The following SLC25A48 variants were observed in gnomAD, a reference collection of about 807,000 sequenced individuals.
The protein encoded by SLC25A48 is CTC-321K16.1.
A neutral mutation model predicts 32.2 loss-of-function variants in SLC25A48; 29 were observed. That is an observed-to-expected ratio of 0.90 (90% CI 0.67 to 1.23). The LOEUF is 1.23. SLC25A48 is among the 50% of genes most tolerant of loss of function. The probability of loss-of-function intolerance (pLI) is 0.00; values close to 1 mark genes in which losing one functional copy is unlikely to be tolerated. For synonymous variants in SLC25A48, 164 were observed against 172.3 expected, an observed-to-expected ratio of 0.95 and a Z score of 0.38; for missense variants, 399 against 422.7, an observed-to-expected ratio of 0.94 and a Z score of 0.49.
chr5:135,730,637 A>C (rs940504113), intron 3 of SLC25A48, among the ~76,000 whole-genome samples: 5 of 152,236 alleles, frequency 3.3e-5, no homozygotes, highest in Admixed American at 3.3e-4. Context: ...GCAACTTTGG[A>C]ACTGGGTAAC....
At chr5:135,737,863 A>C (rs1755412312) in intron 3 of SLC25A48, among the ~76,000 whole-genome samples, 1 of 152,168 alleles carries the variant, frequency 6.6e-6, no homozygotes, top group African/African-American at 2.4e-5. Flanking sequence ...ATCAGCACCC[A>C]GTGGTGTCTC....
chr5:135,784,272 C>T (rs1368127831), intron 3 of SLC25A48, among the ~76,000 whole-genome samples: 1 of 117,340 alleles, frequency 8.5e-6, no homozygotes, highest in African/African-American at 2.6e-5. Flanking sequence ...GTGTACACCC[C>T]ACCTGTGATA....
chr5:135,758,877 TATG>T (rs1309369237), intron 3 of SLC25A48, among the ~76,000 whole-genome samples: 22 of 150,674 alleles, frequency 1.5e-4, no homozygotes, highest in East Asian at 2.0e-4. Context: ...ATTAACACAT[TATG>T]ATATTAATAG....
intron 3 of SLC25A48, among the ~76,000 whole-genome samples, chr5:135,779,096 A>G (rs375492448): frequency 1.1e-4 from 16 of 151,798 alleles, no homozygotes; most frequent in African/African-American, 3.4e-4. Context: ...CTAATATTTA[A>G]GGAGAAAGAG....
chr5:135,657,748 T>C (rs1753288083), intron 3 of SLC25A48, among the ~76,000 whole-genome samples: 1 of 152,232 alleles, frequency 6.6e-6, no homozygotes, highest in African/African-American at 2.4e-5. Context: ...GCATTTGCCA[T>C]GAGCAGGTTG....
rs1038854458 is a variant in SLC25A48, at chr5:135,645,045, G to A, written c.-521+10089G>A. 1.3e-5 allele frequency among the ~76,000 whole-genome samples: 2 copies of A among 152,116 alleles called. 1 individual carries two copies. Among genetic ancestry groups the A allele is most frequent in the Admixed American group, 1.3e-4 (2 of 15,274 alleles). On this transcript the variant is annotated intron_variant, in intron 3 of 10. Transcript: ENST00000646290. ...TGTCCCCATTCTAAAACAGCCAAAG[G>A]CTCCACAAGGCTTCCTCTGCACTGC... is the stretch of plus-strand genomic sequence containing the variant.
At position 135,633,188 on chromosome 5, in the gene SLC25A48, G is replaced by A. The variant is rs542606367; in HGVS notation, c.-708-1581G>A. Among the ~76,000 whole-genome samples, 240 of 152,184 alleles carry A rather than the reference G, an allele frequency of 1.6e-3. 1 individual carries two copies. The highest frequency in any genetic ancestry group is 3.4e-3 in the Middle Eastern group (1 of 294). On this transcript the variant is annotated intron_variant, in intron 2 of 10. Transcript: ENST00000646290. Reference sequence around the variant, plus strand: ...TTTCTTGAAAGAAAGTGGGCTGTACGGTTTATTCACAGACACAATGCCCAT... The same window carrying A: ...TTTCTTGAAAGAAAGTGGGCTGTACAGTTTATTCACAGACACAATGCCCAT...
intron 3 of SLC25A48, among the ~76,000 whole-genome samples, chr5:135,696,443 GAC>G (rs757423521): frequency 5.3e-5 from 8 of 152,216 alleles, no homozygotes; most frequent in Non-Finnish European, 7.3e-5. Flanking sequence ...GGAAGAGAGA[GAC>G]AGTCCTGGCA....
intron 3 of SLC25A48, among the ~76,000 whole-genome samples, chr5:135,764,674 G>A (rs910988524): frequency 6.7e-6 from 1 of 149,076 alleles, no homozygotes; most frequent in African/African-American, 2.5e-5. Flanking sequence ...CGCAGAGGGT[G>A]TACACCACCC....
At chr5:135,699,341 A>G (rs898357006) in intron 3 of SLC25A48, among the ~76,000 whole-genome samples, 1 of 151,920 alleles carries the variant, frequency 6.6e-6, no homozygotes, top group Non-Finnish European at 1.5e-5. Context: ...TGCATCAAGG[A>G]GAAAGAACAA....
chr5:135,848,984 G>T (rs1759622317), intron 2 of SLC25A48, among the ~76,000 whole-genome samples: 1 of 152,046 alleles, frequency 6.6e-6, no homozygotes. Context: ...ACATTAATTT[G>T]TTGTTGTTGT....
intron 3 of SLC25A48, chr5:135,649,149 A>T (rs1178285265): frequency 6.6e-6 from 1 of 152,268 alleles, no homozygotes; most frequent in Non-Finnish European, 1.5e-5. Flanking sequence ...CAATAGCGGG[A>T]ACCCTGTCCT....
rs530452459 is a variant in SLC25A48 at position 135,742,068 on chromosome 5, T to A, written c.-520-70455T>A. On this transcript the variant is annotated intron_variant, in intron 3 of 10. Transcript: ENST00000646290. Reference sequence around the variant, plus strand: ...ACTTAGTCTAAGGAATCAGTTTTTTTAATTATTTTTGTTTATTTATTTATT... The same window carrying A: ...ACTTAGTCTAAGGAATCAGTTTTTTAAATTATTTTTGTTTATTTATTTATT... Among the ~76,000 whole-genome samples, 594 of 152,254 alleles carry A rather than the reference T, an allele frequency of 3.9e-3. 6 individuals carry two copies. The highest frequency in any genetic ancestry group is 6.3e-3 in the Non-Finnish European group (426 of 68,010).
Position 135,677,038 on chromosome 5 carries a change from T to G in SLC25A48, c.-521+42082T>G, listed in dbSNP as rs543790129. 3.3e-5 allele frequency among the ~76,000 whole-genome samples: 5 copies of G among 152,182 alleles called. 1 individual carries two copies. Among genetic ancestry groups the G allele is most frequent in the African/African-American group, 1.2e-4 (5 of 41,568 alleles). On this transcript the variant is annotated intron_variant, in intron 3 of 10. Coordinates refer to the SLC25A48 transcript ENST00000646290. ...CTTTCTGTCTAGCTCATCTGTCTAA[T>G]GCTAATAGTAGAGGGCTGAACTCCT... is the stretch of plus-strand genomic sequence containing the variant.
chr5:135,702,779 A>T (rs967575913), intron 3 of SLC25A48, among the ~76,000 whole-genome samples: 1 of 152,146 alleles, frequency 6.6e-6, no homozygotes. Flanking sequence ...TTCCCAAACA[A>T]ATTTGACCTT....
At chr5:135,747,537 C>T (rs72789486) in intron 3 of SLC25A48, among the ~76,000 whole-genome samples, 11 of 152,268 alleles carry the variant, frequency 7.2e-5, no homozygotes, top group Non-Finnish European at 1.5e-4. Flanking sequence ...CTCACTGCTG[C>T]AGTCATTTCT....
At chr5:135,657,226 G>A (rs1753272615) in intron 3 of SLC25A48, among the ~76,000 whole-genome samples, 1 of 152,156 alleles carries the variant, frequency 6.6e-6, no homozygotes, top group Non-Finnish European at 1.5e-5. Context: ...ATACATAGCA[G>A]GAGACCAGGG....
At chr5:135,652,937 C>T (rs1480557683) in intron 3 of SLC25A48, among the ~76,000 whole-genome samples, 1 of 152,134 alleles carries the variant, frequency 6.6e-6, no homozygotes, top group African/African-American at 2.4e-5. Flanking sequence ...GGGCCTAATG[C>T]AAGGTGTTTA....
At chr5:135,771,095 T>G (rs1178541676) in intron 3 of SLC25A48, among the ~76,000 whole-genome samples, 1 of 151,018 alleles carries the variant, frequency 6.6e-6, no homozygotes, top group East Asian at 2.0e-4. Context: ...TTCAATATCG[T>G]GGGGGTGTAC....
Sources: gnomAD v4.1 joint callset for allele counts (sites outside exome capture counted in the v4.1 genomes callset) on GRCh38, gnomAD v4.1.1 for gene constraint, MANE v1.5 for transcripts, NCBI Gene and HGNC (gene_info 2026-07-23, HGNC 2026-07-21) for gene names.